PTPRM: variants seen among roughly 807,000 people sequenced by gnomAD.
PTPRM encodes the protein protein tyrosine phosphatase receptor type M.
In PTPRM, 47 loss-of-function variants were observed where a neutral mutation model predicts 186.7. That is an observed-to-expected ratio of 0.25 (90% CI 0.20 to 0.32). The LOEUF is 0.32. PTPRM is among the 10% of genes least tolerant of loss of function. PTPRM has a pLI of 1.00. For missense variants in PTPRM, 1,494 were observed against 1,865.0 expected, an observed-to-expected ratio of 0.80 and a Z score of 3.66; for synonymous variants, 668 against 674.9, an observed-to-expected ratio of 0.99 and a Z score of 0.16.
chr18:7,859,920 G>A (rs757696501), intron 2 of PTPRM, among the ~76,000 whole-genome samples: 8 of 152,122 alleles, frequency 5.3e-5, no homozygotes, highest in Non-Finnish European at 1.2e-4. Context: ...GCCAGGAAGT[G>A]TTTTCCCAGG....
chr18:8,091,401 A>G (rs2090718966), intron 11 of PTPRM, among the ~76,000 whole-genome samples: 3 of 152,084 alleles, frequency 2.0e-5, no homozygotes, highest in African/African-American at 2.4e-5. Flanking sequence ...AAATATATCC[A>G]TGTTCATTAT....
chr18:8,240,788 GAGAGAGAGA>G (rs1568584676), intron 14 of PTPRM, among the ~76,000 whole-genome samples: 6,396 of 75,072 alleles, frequency 0.085, 250 homozygotes, highest in Non-Finnish European at 0.11. Flanking sequence ...GAGAGAGAGA[GAGAGAGAGA>G]GAGAGAGAGA....
intron 26 of PTPRM, chr18:8,377,932 A>T (rs2095707031): frequency 5.1e-6 from 1 of 195,374 alleles, no homozygotes. Context: ...TATTATTTTG[A>T]CCAGCAAATC....
chr18:8,300,798 A>G (rs1342011929), intron 20 of PTPRM, among the ~76,000 whole-genome samples: 2 of 152,170 alleles, frequency 1.3e-5, no homozygotes, highest in South Asian at 2.1e-4. Flanking sequence ...GACAGTGTCA[A>G]AAAGAGACTT....
chr18:7,850,450 A>G (rs956127345), intron 2 of PTPRM, among the ~76,000 whole-genome samples: 6 of 152,226 alleles, frequency 3.9e-5, no homozygotes. Flanking sequence ...GTAACCCAGA[A>G]AAGGAGCAAC....
At chr18:8,082,867 G>A (rs189948633) in intron 9 of PTPRM, among the ~76,000 whole-genome samples, 3 of 152,086 alleles carry the variant, frequency 2.0e-5, no homozygotes, top group Non-Finnish European at 4.4e-5. Context: ...ATGTCCACCT[G>A]TGTCTGTAAA....
intron 11 of PTPRM, among the ~76,000 whole-genome samples, chr18:8,099,060 T>C (rs1325466608): frequency 3.9e-5 from 6 of 152,086 alleles, no homozygotes; most frequent in Non-Finnish European, 5.9e-5. Context: ...GCAGCTGATG[T>C]TTCTTTCATG....
chr18:8,172,907 A>ACAG (rs1284926770), intron 14 of PTPRM, among the ~76,000 whole-genome samples: 5 of 152,328 alleles, frequency 3.3e-5, no homozygotes, highest in African/African-American at 1.2e-4. Context: ...ATGATGATGC[A>ACAG]TGAAACAATG....
At chr18:8,248,594 G>A (rs1444731992) in intron 17 of PTPRM, among the ~76,000 whole-genome samples, 1 of 152,136 alleles carries the variant, frequency 6.6e-6, no homozygotes, top group Admixed American at 6.5e-5. Flanking sequence ...TTATTGCTAA[G>A]CACTAAAAAC....
intron 1 of PTPRM, among the ~76,000 whole-genome samples, chr18:7,642,702 A>T (rs2038471787): frequency 1.3e-5 from 2 of 152,026 alleles, no homozygotes; most frequent in South Asian, 4.2e-4. Context: ...TGACTTTGTT[A>T]TGTGGTCATT....
intron 14 of PTPRM, among the ~76,000 whole-genome samples, chr18:8,194,750 T>TTG (rs2093753476): frequency 1.3e-5 from 2 of 152,242 alleles, no homozygotes; most frequent in African/African-American, 4.8e-5. Context: ...TAATGACATT[T>TTG]TGTGCTGCTT....
At chr18:7,769,568 A>C (rs2042178209) in intron 1 of PTPRM, among the ~76,000 whole-genome samples, 1 of 152,188 alleles carries the variant, frequency 6.6e-6, no homozygotes, top group Admixed American at 6.5e-5. Context: ...TGACTTTTTA[A>C]AAAATTTTTT....
At chr18:7,652,884 C>T (rs1451166280) in intron 1 of PTPRM, among the ~76,000 whole-genome samples, 1 of 151,480 alleles carries the variant, frequency 6.6e-6, no homozygotes, top group Admixed American at 6.6e-5. Context: ...GCACATGTAC[C>T]CTAAAACTTA....
Position 7,984,938 on chromosome 18 carries a change from C to T in PTPRM, c.1132+29524C>T, listed in dbSNP as rs1447876528. On this transcript the variant is annotated intron_variant, in intron 7 of 32. Coordinates refer to ENST00000580170, the MANE Select transcript of PTPRM (RefSeq NM_001105244.2). Reference sequence around the variant, plus strand: ...TTATATATACATATATAAATATATACATATATATACATATATAATTATATA... The same window carrying T: ...TTATATATACATATATAAATATATATATATATATACATATATAATTATATA... Among the ~76,000 whole-genome samples the T allele has an allele frequency of 2.6e-5, 3 of 115,152 alleles. No individual in the cohort carries two copies. The South Asian group carries it at 7.7e-4, about 29-fold the overall frequency. 75.5% of individuals were successfully genotyped at this position (115,152 alleles called of 152,430 possible).
rs189405029 is a variant in PTPRM at position 7,610,252 on chromosome 18, G to C, written c.73+42361G>C. On this transcript the variant is annotated intron_variant, in intron 1 of 32. Coordinates refer to ENST00000580170, the MANE Select transcript of PTPRM (RefSeq NM_001105244.2). Reference sequence around the variant, plus strand: ...GGTTTTGCACAGTGGTTCTAAGTGAGGTTCTCAGACTTGGGTTCCTGTGAT... The same window carrying C: ...GGTTTTGCACAGTGGTTCTAAGTGACGTTCTCAGACTTGGGTTCCTGTGAT... Among the ~76,000 whole-genome samples the C allele has an allele frequency of 6.0e-4, 92 of 152,284 alleles. 1 individual carries two copies. Among genetic ancestry groups the C allele is most frequent in the African/African-American group, 2.1e-3 (88 of 41,560 alleles).
At chr18:8,029,677 C>T (rs1354776139) in intron 7 of PTPRM, among the ~76,000 whole-genome samples, 1 of 152,210 alleles carries the variant, frequency 6.6e-6, no homozygotes, top group African/African-American at 2.4e-5. Context: ...GTTTACATGT[C>T]AGTCTTCCCC....
intron 1 of PTPRM, among the ~76,000 whole-genome samples, chr18:7,594,230 A>T (rs1448586111): frequency 6.6e-6 from 1 of 152,210 alleles, no homozygotes; most frequent in Non-Finnish European, 1.5e-5. Context: ...GTGGTGGCTC[A>T]TGCCTGTACT....
intron 2 of PTPRM, among the ~76,000 whole-genome samples, chr18:7,866,878 G>A (rs189871438): frequency 5.3e-5 from 8 of 152,210 alleles, no homozygotes; most frequent in East Asian, 3.9e-4. Flanking sequence ...CTTCTGTATC[G>A]GGTGCATATA....
intron 1 of PTPRM, among the ~76,000 whole-genome samples, chr18:7,731,860 A>G (rs981563771): frequency 2.6e-5 from 4 of 152,226 alleles, no homozygotes; most frequent in African/African-American, 9.6e-5. Flanking sequence ...CCAACCTACT[A>G]ACATTAGAGA....
Sources: gnomAD v4.1 joint callset for allele counts (sites outside exome capture counted in the v4.1 genomes callset) on GRCh38, gnomAD v4.1.1 for gene constraint, MANE v1.5 for transcripts, NCBI Gene and HGNC (gene_info 2026-07-23, HGNC 2026-07-21) for gene names.